TPCN1: variants seen among roughly 807,000 people sequenced by gnomAD.
TPCN1 encodes two pore channel protein 1.
A neutral mutation model predicts 108.8 loss-of-function variants in TPCN1; 52 were observed. That is an observed-to-expected ratio of 0.48 (90% CI 0.38 to 0.60). The LOEUF is 0.60. TPCN1 is among the 20% of genes least tolerant of loss of function. The probability of loss-of-function intolerance (pLI) is 0.00; values close to 1 mark genes in which losing one functional copy is unlikely to be tolerated. For synonymous variants in TPCN1, 446 were observed against 433.7 expected, an observed-to-expected ratio of 1.03 and a Z score of -0.35; for missense variants, 806 against 1,072.8, an observed-to-expected ratio of 0.75 and a Z score of 3.47.
chr12:113,282,835 C>T (rs1199256853), intron 15 of TPCN1, among the ~76,000 whole-genome samples: 2 of 151,978 alleles, frequency 1.3e-5, no homozygotes, highest in Non-Finnish European at 2.9e-5. Context: ...CCTGTAATCC[C>T]AACACTTTGG....
chr12:113,275,767 G>A (rs1351889876), intron 10 of TPCN1, among the ~76,000 whole-genome samples: 1 of 151,484 alleles, frequency 6.6e-6, no homozygotes, highest in Admixed American at 6.6e-5. Context: ...GTAGAGATGG[G>A]GTTTCGCGCT....
intron 2 of TPCN1, among the ~76,000 whole-genome samples, chr12:113,247,034 C>A (rs1256905473): frequency 6.6e-6 from 1 of 152,170 alleles, no homozygotes; most frequent in African/African-American, 2.4e-5. Context: ...AACAAGGCAC[C>A]AGGCCACTAG....
chr12:113,228,026 C>T (rs1051730718), intron 2 of TPCN1, among the ~76,000 whole-genome samples: 12 of 152,144 alleles, frequency 7.9e-5, no homozygotes, highest in Non-Finnish European at 1.6e-4. Context: ...TTGATTTTTC[C>T]CCAAGTGCCA....
chr12:113,249,589 G>A (rs1954549760), intron 2 of TPCN1: 2 of 152,278 alleles, frequency 1.3e-5, no homozygotes, highest in Non-Finnish European at 2.9e-5. Flanking sequence ...GACAACAGCA[G>A]AAAGTGCCTA....
intron 13 of TPCN1, 132 bp downstream of exon 13, chr12:113,278,369 A>C: frequency 1.2e-6 from 1 of 806,522 alleles, no homozygotes; most frequent in Non-Finnish European, 2.1e-6. Flanking sequence ...GGCATGGTAC[A>C]CTTCAGGGAT....
chr12:113,270,622 A>G (rs1228119438), intron 7 of TPCN1, among the ~76,000 whole-genome samples: 1 of 151,980 alleles, frequency 6.6e-6, no homozygotes, highest in Non-Finnish European at 1.5e-5. Flanking sequence ...CTGGGACTAC[A>G]GGCACCCACC....
intron 2 of TPCN1, among the ~76,000 whole-genome samples, chr12:113,242,787 C>T (rs1344971116): frequency 1.3e-5 from 2 of 152,202 alleles, no homozygotes. Flanking sequence ...TGAATACCTC[C>T]TCATCCCTCA....
chr12:113,286,290 C>T (rs532471735), intron 18 of TPCN1, among the ~76,000 whole-genome samples: 4 of 152,226 alleles, frequency 2.6e-5, no homozygotes, highest in African/African-American at 4.8e-5. Context: ...AATGCTCCCC[C>T]CCTTCCTTGA....
At chr12:113,270,152 T>C (rs1342089775) in intron 7 of TPCN1, among the ~76,000 whole-genome samples, 1 of 151,914 alleles carries the variant, frequency 6.6e-6, no homozygotes, top group Admixed American at 6.6e-5. Flanking sequence ...GCTGAGATCG[T>C]GCCACTGCTT....
chr12:113,276,836 A>C, intron 10 of TPCN1, 83 bp from the exon 11 acceptor site: 3 of 904,042 alleles, frequency 3.3e-6, no homozygotes, highest in Non-Finnish European at 5.5e-6. Flanking sequence ...AGCCTTGCCT[A>C]GATGATGAAC....
intron 1 of TPCN1, among the ~76,000 whole-genome samples, chr12:113,224,722 G>A (rs997334758): frequency 2.0e-5 from 3 of 151,622 alleles, no homozygotes; most frequent in Admixed American, 6.6e-5. Flanking sequence ...TTTAATGGTT[G>A]TATTTTTTTG....
chr12:113,246,268 A>G (rs887318062), intron 2 of TPCN1, among the ~76,000 whole-genome samples: 2 of 152,178 alleles, frequency 1.3e-5, no homozygotes, highest in African/African-American at 4.8e-5. Context: ...GGTGCCACAT[A>G]AATCTTTAGT....
chr12:113,260,251 A>G (rs1449952167), intron 2 of TPCN1, 117 bp from the exon 3 acceptor site: 2 of 1,175,202 alleles, frequency 1.7e-6, no homozygotes, highest in East Asian at 5.7e-5. Flanking sequence ...TGATTTGAAG[A>G]TGACGGGATG....
chr12:113,265,479 T>C lies in TPCN1; in HGVS notation c.238-701T>C, dbSNP rs142016563. On this transcript the variant is annotated intron_variant, in intron 3 of 27. Transcript: ENST00000335509. ...GCTGGGCACTCCTAGAGGGAGAACTTGGCCTCTGAGGGGATTGGACATGCC... is the reference window on the plus strand; with the variant it reads ...GCTGGGCACTCCTAGAGGGAGAACTCGGCCTCTGAGGGGATTGGACATGCC... 5.9e-3 allele frequency among the ~76,000 whole-genome samples: 903 copies of C among 152,234 alleles called. 12 individuals are homozygous for C. The highest frequency in any genetic ancestry group is 0.021 in the African/African-American group (864 of 41,546).
intron 1 of TPCN1, among the ~76,000 whole-genome samples, chr12:113,222,796 G>A (rs1399228404): frequency 3.3e-5 from 5 of 152,134 alleles, no homozygotes; most frequent in Non-Finnish European, 7.4e-5. Context: ...GCCCAGGGAA[G>A]CCAAAAGGTT....
rs761564317 is a variant in TPCN1, at chr12:113,288,192, A to G, written c.1664A>G (p.Asn555Ser). ...RLFKLKERYR[N>S]VLDTMFELLP... ...TTTAAGTTGAAGGAGCGCTACCGCA[A>G]CGTGCTGGACACCATGTTCGAGCTG... The change falls in exon 20 of 28, where the codon AAC becomes AGC. Residue 555 changes from asparagine (N) to serine (S), a missense_variant. By Grantham distance (46) the Asn-to-Ser change is conservative (BLOSUM62 1). Coordinates refer to ENST00000335509, the MANE Select transcript of TPCN1 (RefSeq NM_017901.6). The surrounding 1 kb of genome is among the most constrained non-coding windows in gnomAD (Gnocchi z 4.8). 8 of 1,613,948 alleles carry G rather than the reference A, an allele frequency of 5.0e-6. No individual in the cohort carries two copies. Among genetic ancestry groups the G allele is most frequent in the East Asian group, 4.5e-5 (2 of 44,872 alleles).
intron 14 of TPCN1, among the ~76,000 whole-genome samples, chr12:113,279,227 A>G (rs1225060292): frequency 6.6e-6 from 1 of 150,524 alleles, no homozygotes; most frequent in African/African-American, 2.4e-5. Flanking sequence ...TTTTCTATGC[A>G]TTTTTAAAAC....
In TPCN1 at chr12:113,268,865, G is replaced by A. The variant is rs781395368; in HGVS notation, c.652G>A (p.Val218Ile). ...GGTGGACTGTCGGTATTGCGGTGGC[G>A]TCCGGCGGTAAGGCCCGGGTGGGGA... Reference protein sequence around the residue: ...FLVDCRYCGGVRRNLRQIFQS... With the variant: ...FLVDCRYCGGIRRNLRQIFQS... Residue 218 changes from valine to isoleucine, a missense_variant, in exon 6 of 28, where the codon GTC becomes ATC. Physicochemically the swap from Val to Ile is conservative, Grantham distance 29 (BLOSUM62 3). Coordinates refer to ENST00000335509, the MANE Select transcript of TPCN1 (RefSeq NM_017901.6). The surrounding 1 kb of genome is among the most constrained non-coding windows in gnomAD (Gnocchi z 7.3). The A allele has an allele frequency of 1.4e-5, 23 of 1,613,886 alleles. No homozygotes were observed. Among genetic ancestry groups the A allele is most frequent in the Middle Eastern group, 1.7e-4 (1 of 6,056 alleles).
At chr12:113,280,761 C>T (rs1449379728) in intron 15 of TPCN1, among the ~76,000 whole-genome samples, 1 of 152,116 alleles carries the variant, frequency 6.6e-6, no homozygotes, top group Non-Finnish European at 1.5e-5. Flanking sequence ...CAGAAAATTC[C>T]CTTGGACAGT....
Sources: allele counts gnomAD v4.1 joint callset (sites outside exome capture counted in the v4.1 genomes callset), GRCh38; gene constraint gnomAD v4.1.1; non-coding constraint Gnocchi (gnomAD v3.1); transcripts MANE v1.5; gene names NCBI Gene and HGNC (gene_info 2026-07-23, HGNC 2026-07-21).